Variants in SMARCAL1 observed in about 807,000 individuals in gnomAD.
SMARCAL1 encodes the protein SNF2 related chromatin remodeling annealing helicase 1.
A neutral mutation model predicts 94.5 loss-of-function variants in SMARCAL1; 58 were observed. That is an observed-to-expected ratio of 0.61 (90% CI 0.50 to 0.76). SMARCAL1 has a LOEUF of 0.76. Ranked by LOEUF, SMARCAL1 falls within the 30% of genes least tolerant of loss-of-function variation. The pLI, the probability that SMARCAL1 is intolerant of heterozygous loss-of-function variation, is 0.00. For synonymous variants in SMARCAL1, 422 were observed against 455.1 expected (o/e 0.93, Z 0.93); for missense variants, 1,051 against 1,177.9 (o/e 0.89, Z 1.58).
At chr2:216,428,320 T>C (rs1011210925) in intron 6 of SMARCAL1, among the ~76,000 whole-genome samples, 2 of 152,226 alleles carry the variant, frequency 1.3e-5, no homozygotes, top group Admixed American at 6.5e-5. Flanking sequence ...AGGGGTTTTT[T>C]CCCCTCTTTT....
intron 10 of SMARCAL1, among the ~76,000 whole-genome samples, chr2:216,443,580 G>C (rs556894365): frequency 6.6e-6 from 1 of 152,150 alleles, no homozygotes; most frequent in Non-Finnish European, 1.5e-5. Flanking sequence ...TAGCTTGAAG[G>C]CATTATGGTT....
chr2:216,478,871 T>C (rs1008272017), intron 17 of SMARCAL1, among the ~76,000 whole-genome samples: 3 of 152,128 alleles, frequency 2.0e-5, no homozygotes, highest in African/African-American at 7.2e-5. Context: ...CAGCCCTTGT[T>C]GTAAAGGAGT....
At chr2:216,459,235 A>T (rs1187699380) in intron 12 of SMARCAL1, among the ~76,000 whole-genome samples, 3 of 152,200 alleles carry the variant, frequency 2.0e-5, no homozygotes, top group Non-Finnish European at 4.4e-5. Context: ...GGAGGAATCG[A>T]TATCATGAAA....
At chr2:216,474,128 C>CTTTT (rs1182416023) in intron 14 of SMARCAL1, among the ~76,000 whole-genome samples, 26 of 64,928 alleles carry the variant, frequency 4.0e-4, no homozygotes, top group East Asian at 5.9e-4. Context: ...GTATAGCATT[C>CTTTT]TTTTTTTTTT....
At chr2:216,422,701 G>A in intron 5 of SMARCAL1, among the ~76,000 whole-genome samples, 1 of 152,206 alleles carries the variant, frequency 6.6e-6, no homozygotes, top group Non-Finnish European at 1.5e-5. Flanking sequence ...CTGTGTCCAT[G>A]ATGCCTTTTT....
rs1299677561 is a variant in SMARCAL1 at position 216,428,700 on chromosome 2, C to T, written c.1252C>T (p.Pro418Ser). Residue 418 changes from proline to serine, a missense_variant, in exon 7 of 18, where the codon CCA becomes TCA. By Grantham distance (74) the Pro-to-Ser change is moderately conservative. Coordinates refer to ENST00000357276, the MANE Select transcript of SMARCAL1 (RefSeq NM_014140.4). ...CAAGAAGACATCTCTCAGTCTCACG[C>T]CAGATGTCCCAGAGGCAGACCTTTC... ...QLKKTSLSLT[P>S]DVPEADLSEV... is the part of the protein sequence containing the mutation. The T allele has an allele frequency of 1.2e-6, 2 of 1,614,164 alleles. No homozygotes were observed. The highest frequency in any genetic ancestry group is 1.1e-5 in the South Asian group (1 of 91,076).
intron 12 of SMARCAL1, among the ~76,000 whole-genome samples, chr2:216,451,792 C>G (rs770190217): frequency 6.6e-6 from 1 of 152,208 alleles, no homozygotes; most frequent in Non-Finnish European, 1.5e-5. Context: ...TAATCTACAC[C>G]AGCTCTGTTT....
At chr2:216,436,745 T>C (rs1694090096) in intron 9 of SMARCAL1, among the ~76,000 whole-genome samples, 1 of 152,236 alleles carries the variant, frequency 6.6e-6, no homozygotes, top group Admixed American at 6.5e-5. Flanking sequence ...CTTTCAATTC[T>C]TGAGTGTTGC....
chr2:216,417,533 T>C (rs1356993752), intron 4 of SMARCAL1, among the ~76,000 whole-genome samples: 1 of 152,212 alleles, frequency 6.6e-6, no homozygotes, highest in East Asian at 1.9e-4. Context: ...ACACCAGTCA[T>C]TGGATTATCG....
chr2:216,473,642 A>G (rs1359003727), intron 14 of SMARCAL1, among the ~76,000 whole-genome samples: 1 of 152,216 alleles, frequency 6.6e-6, no homozygotes, highest in African/African-American at 2.4e-5. Flanking sequence ...AAAACAGGAT[A>G]TAAAACTTTT....
At chr2:216,416,330 C>T in intron 4 of SMARCAL1, 23 bp downstream of exon 4, 1 of 1,597,840 alleles carries the variant, frequency 6.3e-7, no homozygotes, top group Non-Finnish European at 8.6e-7. Flanking sequence ...ATGGTTGTCT[C>T]ATGGAGGGTG....
intron 6 of SMARCAL1, among the ~76,000 whole-genome samples, chr2:216,425,120 C>T (rs1450818421): frequency 6.6e-6 from 1 of 152,214 alleles, no homozygotes; most frequent in South Asian, 2.1e-4. Context: ...GCCCACTCGA[C>T]CTGGCAGGCT....
rs1693561029 is a variant in SMARCAL1, at chr2:216,415,188, C to T, written c.484C>T (p.Pro162Ser). Residue 162 changes from proline to serine, a missense_variant, in exon 3 of 18, where the codon CCA (proline) becomes TCA (serine). By Grantham distance (74) the Pro-to-Ser change is moderately conservative (BLOSUM62 -1). This residue lies in a region of SMARCAL1 where 398 missense variants were observed against 395.2 expected (regional missense o/e 1.01). Coordinates refer to ENST00000357276, the MANE Select transcript of SMARCAL1 (RefSeq NM_014140.4). ...GATCAGGTTCACACCCTTTGCTAAC[C>T]CAACTCATAAGCCTCTGGCCAAACC... ...PEIRFTPFAN[P>S]THKPLAKPKS... 1 of 1,613,644 alleles carries T rather than the reference C, an allele frequency of 6.2e-7. No individual in the cohort carries two copies. Among genetic ancestry groups the T allele is most frequent in the East Asian group, 2.2e-5 (1 of 44,894 alleles).
At chr2:216,474,125 A>ATTTTTTTTTTTTTTT (rs1695019243) in intron 14 of SMARCAL1, among the ~76,000 whole-genome samples, 1 of 123,886 alleles carries the variant, frequency 8.1e-6, no homozygotes, top group African/African-American at 3.3e-5. Flanking sequence ...TTTGTATAGC[A>ATTTTTTTTTTTTTTT]TTCTTTTTTT....
chr2:216,456,790 C>T (rs1347299610), intron 12 of SMARCAL1, among the ~76,000 whole-genome samples: 7 of 152,124 alleles, frequency 4.6e-5, no homozygotes, highest in Admixed American at 2.6e-4. Context: ...CATCAACTAA[C>T]GAGCAAAATA....
chr2:216,423,655 C>T lies in SMARCAL1; in HGVS notation c.1119C>T (p.Ser373=), dbSNP rs1444258759. Reference sequence around the variant, plus strand: ...CAGATGTCAAGACCAGGAAGTGGAGCTTTCTCTTGGAAGAGCACAGTAAAC... The same window carrying T: ...CAGATGTCAAGACCAGGAAGTGGAGTTTTCTCTTGGAAGAGCACAGTAAAC... ...RRYDVKTRKW[S]FLLEEHSKLI... is the part of the protein sequence containing the mutation. The change falls in exon 6 of 18, where the codon AGC becomes AGT. Residue 373 remains serine (S), a synonymous_variant. Coordinates refer to ENST00000357276, the MANE Select transcript of SMARCAL1 (RefSeq NM_014140.4). 1 of 1,614,012 alleles carries T rather than the reference C, an allele frequency of 6.2e-7. No individual in the cohort carries two copies. Among genetic ancestry groups the T allele is most frequent in the South Asian group, 1.1e-5 (1 of 91,080 alleles).
At chr2:216,414,598 C>A in intron 2 of SMARCAL1, 49 bp from the exon 3 acceptor site, 1 of 950,912 alleles carries the variant, frequency 1.1e-6, no homozygotes, top group Non-Finnish European at 1.7e-6. Flanking sequence ...TGGAGTATGA[C>A]AATTAATACA....
Position 216,413,701 on chromosome 2 carries a change from G to A in SMARCAL1, c.-95-155G>A, listed in dbSNP as rs190897832. Among the ~76,000 whole-genome samples the A allele has an allele frequency of 2.0e-5, 3 of 151,960 alleles. No individual in the cohort carries two copies. In the East Asian group the frequency reaches 5.8e-4, roughly 29 times the overall value. On this transcript the variant is annotated intron_variant, in intron 1 of 17. Coordinates refer to ENST00000357276, the MANE Select transcript of SMARCAL1 (RefSeq NM_014140.4). ...CAGGAGAGTCAGTCAGTTGCTCCGT[G>A]TGTTGTGTTGGAAGTCAGGTCCTAA...
At chr2:216,480,367 C>A (rs909330) in intron 17 of SMARCAL1, among the ~76,000 whole-genome samples, 33,360 of 152,152 alleles carry the variant, frequency 0.22, 3,932 homozygotes, top group East Asian at 0.36. Context: ...TTAATCTGAT[C>A]TTGGAACTCG....
Sources: allele counts gnomAD v4.1 joint callset (sites outside exome capture counted in the v4.1 genomes callset), GRCh38; gene constraint gnomAD v4.1.1; regional missense constraint gnomAD v4.1.1; transcripts MANE v1.5; gene names NCBI Gene and HGNC (gene_info 2026-07-23, HGNC 2026-07-21).